TMEM63B: variants seen among roughly 807,000 people sequenced by gnomAD.
The protein encoded by TMEM63B is transmembrane protein 63B.
In TMEM63B, 23 loss-of-function variants were observed where a neutral mutation model predicts 102.6. The ratio of observed to expected loss-of-function variants is 0.22; its 90% CI spans 0.16 to 0.32. The LOEUF (loss-of-function observed/expected upper bound fraction) is 0.32, where lower values mean the gene tolerates loss of function less well. TMEM63B is among the 10% of genes least tolerant of loss of function. The pLI is 1.00. For missense variants in TMEM63B, 628 were observed against 1,095.9 expected, an observed-to-expected ratio of 0.57 and a Z score of 6.03; for synonymous variants, 444 against 437.0, an observed-to-expected ratio of 1.02 and a Z score of -0.20.
intron 1 of TMEM63B, among the ~76,000 whole-genome samples, chr6:44,128,666 C>CATT (rs753996877): frequency 6.6e-6 from 1 of 152,248 alleles, no homozygotes; most frequent in Non-Finnish European, 1.5e-5. Context: ...CTTGCCTACC[C>CATT]ATTACCAGTC....
At position 44,154,988 on chromosome 6, in the gene TMEM63B, A is replaced by T; in HGVS notation, c.*105A>T. 9.0e-7 allele frequency: 1 copy of T among 1,107,578 alleles called. No individual in the cohort carries two copies. The highest frequency in any genetic ancestry group is 1.2e-6 in the Non-Finnish European group (1 of 815,462). The allele number at this position is 1,107,578 out of a possible 1,614,324, so 68.6% of individuals were successfully genotyped here. Reference sequence around the variant, plus strand: ...TTAGATCTAAAGCCCCTTCCTCCCCAGCCCCTGCTTTCATTAAGGTATTTA... The same window carrying T: ...TTAGATCTAAAGCCCCTTCCTCCCCTGCCCCTGCTTTCATTAAGGTATTTA... On this transcript the variant is annotated 3_prime_UTR_variant, in exon 24 of 24. Transcript: ENST00000323267.
rs1219125487 is a variant in TMEM63B at position 44,150,582 on chromosome 6, C to T, written c.1626C>T (p.Arg542=). 2 of 1,614,080 alleles carry T rather than the reference C, an allele frequency of 1.2e-6. No homozygotes were observed. Among genetic ancestry groups the T allele is most frequent in the African/African-American group, 1.3e-5 (1 of 74,946 alleles). Reference sequence around the variant, plus strand: ...CCTCCAGCCTGGACCTCTTCTTCCGCTGGCTCTTTGATAAGAAATTCTTGG... The same window carrying T: ...CCTCCAGCCTGGACCTCTTCTTCCGTTGGCTCTTTGATAAGAAATTCTTGG... ...LGLSSLDLFF[R]WLFDKKFLAE... Residue 542 remains arginine, a synonymous_variant, in exon 18 of 24, where the codon CGC becomes CGT. Transcript: ENST00000323267. This position sits in a 1 kb window ranked among gnomAD's most constrained non-coding sequence, Gnocchi z 4.7.
At position 44,151,951 on chromosome 6, in the gene TMEM63B, G is replaced by A. The variant is rs781477010; in HGVS notation, c.1779G>A (p.Met593Ile). Residue 593 changes from methionine (M) to isoleucine (I), a missense_variant, in exon 19 of 24, where the codon ATG becomes ATA. Coordinates refer to ENST00000323267, the MANE Select transcript of TMEM63B (RefSeq NM_018426.3). ...TGCTGCGCATCCCAGGCCTGCTCATGTACATGATCCGGCTCTGCCTGGCGC... is the reference window on the plus strand; with the variant it reads ...TGCTGCGCATCCCAGGCCTGCTCATATACATGATCCGGCTCTGCCTGGCGC... ...MDLLRIPGLL[M>I]YMIRLCLARS... 5 of 1,613,354 alleles carry A rather than the reference G, an allele frequency of 3.1e-6. No individual in the cohort carries two copies. Among genetic ancestry groups the A allele is most frequent in the South Asian group, 2.2e-5 (2 of 91,062 alleles).
chr6:44,135,167 G>A (rs866295124), intron 3 of TMEM63B, 71 bp downstream of exon 3: 122 of 1,591,782 alleles, frequency 7.7e-5, no homozygotes, highest in Middle Eastern at 6.6e-4. Flanking sequence ...GGAATAGGAA[G>A]GAGCCAGCCC....
At chr6:44,149,349 G>A (rs1354775559) in intron 15 of TMEM63B, 2 of 326,494 alleles carry the variant, frequency 6.1e-6, no homozygotes, top group East Asian at 7.2e-5. Context: ...ACAGTAGGGT[G>A]GCATGCATGT....
chr6:44,152,173 TC>T lies in TMEM63B; in HGVS notation c.1836+166del, dbSNP rs1166642779. 6.6e-6 allele frequency among the ~76,000 whole-genome samples: 1 copy of T among 152,102 alleles called. No homozygotes were observed. The highest frequency in any genetic ancestry group is 2.4e-5 in the African/African-American group (1 of 41,400). The stretch of plus-strand genomic sequence containing the variant: ...CATCCCCTTCCCATATCTGGGGCCT[TC>T]GTATTCTGCCATGGGTGGACATAGG... On this transcript the variant is annotated intron_variant, in intron 19 of 23. Transcript: ENST00000323267. The surrounding 1 kb of genome is among the most constrained non-coding windows in gnomAD (Gnocchi z 6.4).
chr6:44,134,395 T>C (rs796907661), intron 1 of TMEM63B, 166 bp from the exon 2 acceptor site: 23 of 655,594 alleles, frequency 3.5e-5, no homozygotes, highest in African/African-American at 3.5e-4. Context: ...GGTAAATCCA[T>C]GTGACTCAAC....
chr6:44,138,859 C>G (rs569757794), intron 6 of TMEM63B: 24 of 335,636 alleles, frequency 7.2e-5, no homozygotes, highest in African/African-American at 4.8e-4. Flanking sequence ...CAGCTGCAGG[C>G]AGAACTCAGG....
chr6:44,154,830 A>C lies in TMEM63B; in HGVS notation c.2446A>C (p.Thr816Pro), dbSNP rs748521642. The C allele has an allele frequency of 6.2e-7, 1 of 1,609,416 alleles. No individual in the cohort carries two copies. Among genetic ancestry groups the C allele is most frequent in the Non-Finnish European group, 8.5e-7 (1 of 1,178,578 alleles). The change falls in exon 24 of 24, where the codon ACA (threonine) becomes CCA (proline). Residue 816 changes from threonine (T) to proline (P), a missense_variant. This residue lies in a region of TMEM63B where 129 missense variants were observed against 153.5 expected (regional missense o/e 0.84). Transcript: ENST00000323267. ...LLMPPDALTD[T>P]DFQSCEDSLI... Reference sequence around the variant, plus strand: ...GATGCCACCCGACGCCCTCACGGACACAGACTTCCAGTCTTGCGAGGACAG... The same window carrying C: ...GATGCCACCCGACGCCCTCACGGACCCAGACTTCCAGTCTTGCGAGGACAG...
intron 10 of TMEM63B, among the ~76,000 whole-genome samples, chr6:44,144,180 C>T (rs1028411494): frequency 9.8e-5 from 15 of 152,316 alleles, no homozygotes; most frequent in Admixed American, 9.2e-4. Flanking sequence ...CTGCTATATA[C>T]AAGCTGTTGG....
At chr6:44,132,720 C>T in intron 1 of TMEM63B, among the ~76,000 whole-genome samples, 1 of 132,708 alleles carries the variant, frequency 7.5e-6, no homozygotes, top group East Asian at 2.7e-4. Context: ...ATGCAGTCAC[C>T]TAGCTCCTCC....
rs1451427618 is a variant in TMEM63B at position 44,153,681 on chromosome 6, A to C, written c.1948A>C (p.Met650Leu). 6.2e-7 allele frequency: 1 copy of C among 1,613,650 alleles called. No individual in the cohort carries two copies. The highest frequency in any genetic ancestry group is 1.7e-5 in the Admixed American group (1 of 59,980). The change falls in exon 21 of 24, where the codon ATG (methionine) becomes CTG (leucine). Residue 650 changes from methionine (M) to leucine (L), a missense_variant. Physicochemically the swap from Met to Leu is conservative, Grantham distance 15. This residue lies in a region of TMEM63B where 90 missense variants were observed against 136.7 expected (regional missense o/e 0.66). Coordinates refer to ENST00000323267, the MANE Select transcript of TMEM63B (RefSeq NM_018426.3). ...TCPIIVPFGL[M>L]YMLLKHLVDR... is the part of the protein sequence containing the mutation. Reference sequence around the variant, plus strand: ...GCCCATGTGGCTTCCCTTAGGGCTCATGTACATGCTGCTGAAGCACCTGGT... The same window carrying C: ...GCCCATGTGGCTTCCCTTAGGGCTCCTGTACATGCTGCTGAAGCACCTGGT...
Position 44,135,303 on chromosome 6 carries a change from A to C in TMEM63B, c.240-25A>C, listed in dbSNP as rs201919443. The C allele has an allele frequency of 1.6e-5, 26 of 1,610,410 alleles. No individual in the cohort carries two copies. In the Admixed American group the frequency reaches 3.9e-4, roughly 24 times the overall value. ...CCAGGGACTCTCCCCCGCCCCTGCTAACCCTGTCTGTTCTCTGTCCCCAGG... is the reference window on the plus strand; with the variant it reads ...CCAGGGACTCTCCCCCGCCCCTGCTCACCCTGTCTGTTCTCTGTCCCCAGG... On this transcript the variant is annotated intron_variant, in intron 3 of 23. Coordinates refer to ENST00000323267, the MANE Select transcript of TMEM63B (RefSeq NM_018426.3).
intron 10 of TMEM63B, among the ~76,000 whole-genome samples, chr6:44,142,339 G>A (rs1018768770): frequency 4.0e-5 from 6 of 149,196 alleles, no homozygotes; most frequent in South Asian, 2.1e-4. Flanking sequence ...GTGAAACCCC[G>A]TCTCTACTGG....
chr6:44,154,034 C>T (rs750878082), intron 21 of TMEM63B, 39 bp from the exon 22 acceptor site: 11 of 1,599,794 alleles, frequency 6.9e-6, no homozygotes. Flanking sequence ...GGGAGGCCCA[C>T]AGGAGATAGC....
At chr6:44,145,449 G>A (rs539674251) in intron 10 of TMEM63B, among the ~76,000 whole-genome samples, 3 of 151,060 alleles carry the variant, frequency 2.0e-5, no homozygotes, top group Admixed American at 6.6e-5. Flanking sequence ...AAAATTAGCC[G>A]GGTGTGGTGG....
At position 44,148,052 on chromosome 6, in the gene TMEM63B, G is replaced by C. The variant is rs974075757; in HGVS notation, c.988-200G>C. ...GTGGGAGGGTCACTTTAGCCTGGGA[G>C]CTTGAGGCTCCAGTGAGCTGAGATT... On this transcript the variant is annotated intron_variant, in intron 12 of 23. Coordinates refer to ENST00000323267, the MANE Select transcript of TMEM63B (RefSeq NM_018426.3). This position sits in a 1 kb window ranked among gnomAD's most constrained non-coding sequence, Gnocchi z 5.1. Among the ~76,000 whole-genome samples, 3 of 152,178 alleles carry C rather than the reference G, an allele frequency of 2.0e-5. No individual in the cohort carries two copies. The highest frequency in any genetic ancestry group is 4.4e-5 in the Non-Finnish European group (3 of 68,030).
At position 44,148,543 on chromosome 6, in the gene TMEM63B, C is replaced by T. The variant is rs772878682; in HGVS notation, c.1152C>T (p.Cys384=). 2.5e-6 allele frequency: 4 copies of T among 1,614,182 alleles called. No homozygotes were observed. Among genetic ancestry groups the T allele is most frequent in the Non-Finnish European group, 3.4e-6 (4 of 1,180,012 alleles). Residue 384 remains cysteine (C), a synonymous_variant, in exon 14 of 24, where the codon TGC becomes TGT. Transcript: ENST00000323267. This position sits in a 1 kb window ranked among gnomAD's most constrained non-coding sequence, Gnocchi z 5.1. The part of the protein sequence containing the change: ...IILKDFNVCK[C]QGCTCRGEPR... Reference sequence around the variant, plus strand: ...TGAAGGACTTCAACGTGTGTAAATGCCAGGGCTGCACCTGCCGTGGGGAGC... The same window carrying T: ...TGAAGGACTTCAACGTGTGTAAATGTCAGGGCTGCACCTGCCGTGGGGAGC...
chr6:44,140,115 G>A (rs1046157463), intron 8 of TMEM63B, 137 bp from the exon 9 acceptor site: 31 of 693,574 alleles, frequency 4.5e-5, no homozygotes, highest in Non-Finnish European at 7.1e-5. Flanking sequence ...CCTGCCTTGC[G>A]AGGAGTCAGT....
Sources: gnomAD v4.1 joint callset for allele counts (sites outside exome capture counted in the v4.1 genomes callset) on GRCh38, gnomAD v4.1.1 for gene constraint, gnomAD v4.1.1 regional missense constraint, Gnocchi (gnomAD v3.1) non-coding constraint, MANE v1.5 for transcripts, NCBI Gene and HGNC (gene_info 2026-07-23, HGNC 2026-07-21) for gene names.